Variants in LSM8 observed in about 807,000 individuals in gnomAD.
The protein encoded by LSM8 is LSM8 U6 small nuclear RNA associated.
LSM8 carries 14 observed loss-of-function variants against 15.0 expected under a neutral mutation model. That is an observed-to-expected ratio of 0.93 (90% CI 0.62 to 1.46). The LOEUF is 1.46. LSM8 is among the 40% of genes most tolerant of loss of function. LSM8 has a pLI of 0.00. For synonymous variants in LSM8, 50 were observed against 42.1 expected (o/e 1.19, Z -0.73); for missense variants, 90 against 115.4 (o/e 0.78, Z 1.01).
intron 2 of LSM8, 94 bp downstream of exon 2, chr7:118,185,788 C>A: frequency 9.3e-7 from 1 of 1,080,756 alleles, no homozygotes; most frequent in Non-Finnish European, 1.4e-6. Flanking sequence ...CTAGACAGCA[C>A]ATTACACCCG....
In LSM8 at chr7:118,200,945, C is replaced by T. The variant is rs1398039726; in HGVS notation, c.*8943C>T. Among the ~76,000 whole-genome samples, 2 of 152,008 alleles carry T rather than the reference C, an allele frequency of 1.3e-5. No homozygotes were observed. The highest frequency in any genetic ancestry group is 2.1e-4 in the South Asian group (1 of 4,830). ...CATTAGCAAACACTTTTCACATATA[C>T]ACTAATATTAGTATCTAAATTATAT... On this transcript the variant is annotated 3_prime_UTR_variant, in exon 4 of 4. Coordinates refer to ENST00000249299, the MANE Select transcript of LSM8 (RefSeq NM_016200.5).
At chr7:118,187,813 T>G (rs1171915589) in intron 2 of LSM8, among the ~76,000 whole-genome samples, 1 of 152,212 alleles carries the variant, frequency 6.6e-6, no homozygotes, top group African/African-American at 2.4e-5. Flanking sequence ...TGAGAAAATG[T>G]GTACAGTGTG....
In LSM8 at chr7:118,202,339, G is replaced by T. The variant is rs531604986; in HGVS notation, c.*10337G>T. On this transcript the variant is annotated 3_prime_UTR_variant, in exon 4 of 4. Transcript: ENST00000249299. The stretch of plus-strand genomic sequence containing the variant: ...CAGGCAGGAGGAGTTCATTTATCTC[G>T]AGAGAAAAGAACAGAAAAGTGAAAA... Among the ~76,000 whole-genome samples the T allele has an allele frequency of 3.6e-4, 54 of 151,986 alleles. No homozygotes were observed. Among genetic ancestry groups the T allele is most frequent in the African/African-American group, 1.2e-3 (50 of 41,504 alleles).
chr7:118,190,266 A>G (rs1270107234), intron 3 of LSM8: 1 of 152,218 alleles, frequency 6.6e-6, no homozygotes, highest in Non-Finnish European at 1.5e-5. Flanking sequence ...GCTGTAAGTA[A>G]TGAGAGAGAG....
intron 3 of LSM8, chr7:118,189,238 T>G (rs1808935562): frequency 7.0e-6 from 1 of 142,446 alleles, no homozygotes; most frequent in African/African-American, 2.7e-5. Flanking sequence ...CCAGCCTGGG[T>G]GACAGATTGA....
chr7:118,195,496 A>C lies in LSM8; in HGVS notation c.*3494A>C, dbSNP rs1344053800. Among the ~76,000 whole-genome samples, 1 of 152,202 alleles carries C rather than the reference A, an allele frequency of 6.6e-6. No homozygotes were observed. The highest frequency in any genetic ancestry group is 1.5e-5 in the Non-Finnish European group (1 of 68,034). On this transcript the variant is annotated 3_prime_UTR_variant, in exon 4 of 4. Transcript: ENST00000249299. ...TTTTTAAGCGTCTGTCCCACTGACT[A>C]CCATATCTCTACAAGAGAATAGATG...
At chr7:118,184,949 TC>T (rs1392445325) in intron 1 of LSM8, 2 of 152,240 alleles carry the variant, frequency 1.3e-5, no homozygotes, top group African/African-American at 2.4e-5. Context: ...TTATATAGTT[TC>T]TTTACTTTTG....
In LSM8 at chr7:118,201,418, G is replaced by A. The variant is rs1809171896; in HGVS notation, c.*9416G>A. Among the ~76,000 whole-genome samples the A allele has an allele frequency of 6.6e-6, 1 of 152,024 alleles. No homozygotes were observed. The highest frequency in any genetic ancestry group is 1.5e-5 in the Non-Finnish European group (1 of 67,968). On this transcript the variant is annotated 3_prime_UTR_variant, in exon 4 of 4. Transcript: ENST00000249299. ...CATCATTTCAGCACCTGGATCCAGC[G>A]ATGCCTAAAGATGTGACTCCTAGAC...
In LSM8 at chr7:118,198,449, TCC is replaced by T. The variant is rs775368712; in HGVS notation, c.*6448_*6449del. 5.3e-3 allele frequency among the ~76,000 whole-genome samples: 803 copies of T among 152,314 alleles called. 23 individuals are homozygous for T. In the East Asian group the frequency reaches 0.083, roughly 16 times the overall value. On this transcript the variant is annotated 3_prime_UTR_variant, in exon 4 of 4. Coordinates refer to ENST00000249299, the MANE Select transcript of LSM8 (RefSeq NM_016200.5). ...AACAACTCATTAGTAATCCTTCATTTCCTGAGTATTTACTGCATGACAGTAAC... is the reference window on the plus strand; with the variant it reads ...AACAACTCATTAGTAATCCTTCATTTTGAGTATTTACTGCATGACAGTAAC...
At chr7:118,186,540 G>A (rs1303823738) in intron 2 of LSM8, among the ~76,000 whole-genome samples, 1 of 151,320 alleles carries the variant, frequency 6.6e-6, no homozygotes, top group Non-Finnish European at 1.5e-5. Flanking sequence ...TTCTAGCTTT[G>A]TCCTTTACTA....
intron 2 of LSM8, among the ~76,000 whole-genome samples, chr7:118,187,200 T>A (rs1455186778): frequency 7.6e-6 from 1 of 132,058 alleles, no homozygotes; most frequent in Non-Finnish European, 1.7e-5. Context: ...TTCATTCTCT[T>A]TTTTATTTCA....
chr7:118,194,363 C>CT lies in LSM8; in HGVS notation c.*2373dup, dbSNP rs11316449. On this transcript the variant is annotated 3_prime_UTR_variant, in exon 4 of 4. Transcript: ENST00000249299. ...AAAGGGCAATTAACTGCAAAAGGGA[C>CT]TTTTTTTTTTTTAACTGACAAGATA... Among the ~76,000 whole-genome samples the CT allele has an allele frequency of 1.9e-4, 28 of 149,432 alleles. No individual in the cohort carries two copies. Among genetic ancestry groups the CT allele is most frequent in the Non-Finnish European group, 2.5e-4 (17 of 67,102 alleles).
rs183701502 is a variant in LSM8, at chr7:118,195,038, T to G, written c.*3036T>G. 1.4e-4 allele frequency among the ~76,000 whole-genome samples: 22 copies of G among 152,312 alleles called. No homozygotes were observed. The highest frequency in any genetic ancestry group is 1.2e-3 in the Admixed American group (18 of 15,298). On this transcript the variant is annotated 3_prime_UTR_variant, in exon 4 of 4. Transcript: ENST00000249299. ...GTCTTAAAATCTGCTATCAAGCATCTATCAGAAGCCTGATGAGAAATATTC... is the reference window on the plus strand; with the variant it reads ...GTCTTAAAATCTGCTATCAAGCATCGATCAGAAGCCTGATGAGAAATATTC...
intron 3 of LSM8, chr7:118,191,092 C>T (rs1161822682): frequency 2.0e-5 from 3 of 147,486 alleles, no homozygotes; most frequent in Non-Finnish European, 3.0e-5. Context: ...GCAACAAGAG[C>T]GAAACTCTAT....
In LSM8 at chr7:118,201,167, T is replaced by C. The variant is rs1562865426; in HGVS notation, c.*9165T>C. ...TAACCATTATCTTTACTGAATCAGA[T>C]GTTTCATTAACTGTTAGCAGTTATT... On this transcript the variant is annotated 3_prime_UTR_variant, in exon 4 of 4. Coordinates refer to ENST00000249299, the MANE Select transcript of LSM8 (RefSeq NM_016200.5). 6.6e-6 allele frequency among the ~76,000 whole-genome samples: 1 copy of C among 152,114 alleles called. No homozygotes were observed. Among genetic ancestry groups the C allele is most frequent in the Non-Finnish European group, 1.5e-5 (1 of 67,992 alleles).
rs185779230 is a variant in LSM8 at position 118,199,024 on chromosome 7, G to A, written c.*7022G>A. On this transcript the variant is annotated 3_prime_UTR_variant, in exon 4 of 4. Transcript: ENST00000249299. ...TACTTTGCATGTGTTGGTAAACACC[G>A]TTGCTGAACTAGGTGCTGTCTGTGC... 2.6e-4 allele frequency among the ~76,000 whole-genome samples: 39 copies of A among 152,328 alleles called. No homozygotes were observed. Among genetic ancestry groups the A allele is most frequent in the African/African-American group, 8.2e-4 (34 of 41,576 alleles).
Position 118,202,278 on chromosome 7 carries a change from A to G in LSM8, c.*10276A>G, listed in dbSNP as rs1265166229. On this transcript the variant is annotated 3_prime_UTR_variant, in exon 4 of 4. Coordinates refer to ENST00000249299, the MANE Select transcript of LSM8 (RefSeq NM_016200.5). ...ACATCAGTTAGAATGGTATTTGGCT[A>G]TAAGCACTGGAAACTCTGACTGCCA... 6.6e-6 allele frequency among the ~76,000 whole-genome samples: 1 copy of G among 152,064 alleles called. No homozygotes were observed. The highest frequency in any genetic ancestry group is 1.5e-5 in the Non-Finnish European group (1 of 67,944).
intron 1 of LSM8, chr7:118,185,104 G>C (rs1808864080): frequency 6.6e-6 from 1 of 152,058 alleles, no homozygotes; most frequent in African/African-American, 2.4e-5. Flanking sequence ...TAATAGATTG[G>C]TAACCTTCCT....
At chr7:118,187,045 CAT>C (rs1808900453) in intron 2 of LSM8, among the ~76,000 whole-genome samples, 1 of 152,208 alleles carries the variant, frequency 6.6e-6, no homozygotes, top group Non-Finnish European at 1.5e-5. Flanking sequence ...TTCTTTGACA[CAT>C]AATTTATTTG....
Sources: gnomAD v4.1 joint callset for allele counts (sites outside exome capture counted in the v4.1 genomes callset) on GRCh38, gnomAD v4.1.1 for gene constraint, MANE v1.5 for transcripts, NCBI Gene and HGNC (gene_info 2026-07-23, HGNC 2026-07-21) for gene names.